MAMLD1: variants seen among roughly 807,000 people sequenced by gnomAD.
MAMLD1 encodes the protein mastermind-like domain-containing protein 1.
A neutral mutation model predicts 45.0 loss-of-function variants in MAMLD1; 14 were observed. The observed-to-expected ratio is 0.31, with a 90% confidence interval of 0.21 to 0.49. The LOEUF is 0.49. MAMLD1 is among the 20% of genes least tolerant of loss of function. The pLI is 0.99. For synonymous variants in MAMLD1, 254 were observed against 247.8 expected, an observed-to-expected ratio of 1.02 and a Z score of -0.24; for missense variants, 543 against 603.6, an observed-to-expected ratio of 0.90 and a Z score of 1.05.
intron 6 of MAMLD1, among the ~76,000 whole-genome samples, chrX:150,508,655 AC>A (rs1300061073): frequency 1.8e-5 from 2 of 112,212 alleles, no homozygotes; most frequent in Admixed American, 1.9e-4. Context: ...CTGGGTCGCT[AC>A]CCCGCCCCAC....
intron 1 of MAMLD1, among the ~76,000 whole-genome samples, chrX:150,427,265 T>C (rs781837911): frequency 8.9e-6 from 1 of 112,363 alleles, no homozygotes; most frequent in Non-Finnish European, 1.9e-5. Context: ...CATATTAATT[T>C]GGAGGACATA....
At chrX:150,488,399 A>C (rs1557407754) in intron 5 of MAMLD1, among the ~76,000 whole-genome samples, 1 of 112,880 alleles carries the variant, frequency 8.9e-6, no homozygotes, top group African/African-American at 3.2e-5. Flanking sequence ...TAACAGCCTG[A>C]GTCTCCTGAC....
rs144919395 is a variant in MAMLD1, at chrX:150,496,240, T to C, written c.2041-7034T>C. Among the ~76,000 whole-genome samples, 826 of 111,725 alleles carry C rather than the reference T, an allele frequency of 7.4e-3. 5 individuals are homozygous for C. Among genetic ancestry groups the C allele is most frequent in the African/African-American group, 0.026 (784 of 30,743 alleles). On this transcript the variant is annotated intron_variant, in intron 5 of 7. Transcript: ENST00000370401. ...AGGCAGGTGGGGGTTGGGGTGAGGGTTATGTTTTGAATATTGCTTCATATT... is the reference window on the plus strand; with the variant it reads ...AGGCAGGTGGGGGTTGGGGTGAGGGCTATGTTTTGAATATTGCTTCATATT...
At chrX:150,401,781 T>A (rs1188342305) in intron 1 of MAMLD1, among the ~76,000 whole-genome samples, 1 of 111,429 alleles carries the variant, frequency 9.0e-6, no homozygotes, top group African/African-American at 3.3e-5. Flanking sequence ...TCTACAACTA[T>A]CTGATCTTTG....
chrX:150,400,095 G>A (rs2033684695), intron 1 of MAMLD1, among the ~76,000 whole-genome samples: 1 of 111,913 alleles, frequency 8.9e-6, no homozygotes, highest in African/African-American at 3.3e-5. Flanking sequence ...CTCTGCTCTA[G>A]GGCTGAAGTA....
chrX:150,489,000 C>A (rs1602992100), intron 5 of MAMLD1, among the ~76,000 whole-genome samples: 1 of 112,749 alleles, frequency 8.9e-6, no homozygotes, highest in South Asian at 3.6e-4. Context: ...CAGGAGTTTC[C>A]CCATGACTTA....
chrX:150,457,119 G>C (rs1196987307), intron 2 of MAMLD1, among the ~76,000 whole-genome samples: 1 of 112,660 alleles, frequency 8.9e-6, no homozygotes, highest in Non-Finnish European at 1.9e-5. Context: ...CCAACTCCCT[G>C]GTCACCGCAT....
chrX:150,389,290 G>A (rs2033071766), intron 1 of MAMLD1, among the ~76,000 whole-genome samples: 1 of 111,354 alleles, frequency 9.0e-6, no homozygotes, highest in South Asian at 3.8e-4. Context: ...CAGGCAATCC[G>A]CCCACCCTGG....
At chrX:150,478,167 A>G (rs2036641217) in intron 5 of MAMLD1, among the ~76,000 whole-genome samples, 1 of 112,092 alleles carries the variant, frequency 8.9e-6, no homozygotes, top group Non-Finnish European at 1.9e-5. Flanking sequence ...TATTTGAACC[A>G]TGACTTTTCA....
At chrX:150,397,220 A>G (rs2033453100) in intron 1 of MAMLD1, among the ~76,000 whole-genome samples, 1 of 111,616 alleles carries the variant, frequency 9.0e-6, no homozygotes, top group African/African-American at 3.3e-5. Context: ...ATTTTTTTCC[A>G]TATGGAATTT....
chrX:150,386,116 T>TG (rs58168935), intron 1 of MAMLD1, among the ~76,000 whole-genome samples: 1 of 110,568 alleles, frequency 9.0e-6, no homozygotes, highest in Non-Finnish European at 1.9e-5. Context: ...TTTTTTTTTT[T>TG]GCCATATCCA....
chrX:150,437,609 A>C (rs1243184668), intron 1 of MAMLD1, among the ~76,000 whole-genome samples: 8 of 112,287 alleles, frequency 7.1e-5, no homozygotes, highest in African/African-American at 2.6e-4. Context: ...CTTTTTCTGC[A>C]TCACATAATA....
At chrX:150,510,397 G>A (rs928247345) in intron 7 of MAMLD1, among the ~76,000 whole-genome samples, 5 of 111,493 alleles carry the variant, frequency 4.5e-5, no homozygotes, top group Admixed American at 1.9e-4. Flanking sequence ...TCTCCCACAC[G>A]CACATTCACA....
At chrX:150,458,925 G>A (rs1251184043) in intron 2 of MAMLD1, among the ~76,000 whole-genome samples, 2 of 111,965 alleles carry the variant, frequency 1.8e-5, no homozygotes, top group African/African-American at 6.5e-5. Context: ...ATAAATTTGG[G>A]CAATCTAATG....
intron 2 of MAMLD1, among the ~76,000 whole-genome samples, chrX:150,455,124 A>G (rs1458396797): frequency 8.9e-6 from 1 of 112,281 alleles, no homozygotes; most frequent in Admixed American, 9.4e-5. Context: ...TTCAATATAG[A>G]ACCTACTCTT....
intron 2 of MAMLD1, among the ~76,000 whole-genome samples, chrX:150,457,074 G>A (rs2035892989): frequency 8.9e-6 from 1 of 112,786 alleles, no homozygotes; most frequent in Non-Finnish European, 1.9e-5. Flanking sequence ...AGTTTTAGAT[G>A]GGAAAGGGCA....
rs372539913 is a variant in MAMLD1 at position 150,477,489 on chromosome X, C to T, written c.2040+3687C>T. ...CAGTCCCTCTGGGGCTGCGTGCTCA[C>T]GGACAGTCCCTTAGGGGCGTTAAGG... On this transcript the variant is annotated intron_variant, in intron 5 of 7. Transcript: ENST00000370401. Among the ~76,000 whole-genome samples, 90 of 111,629 alleles carry T rather than the reference C, an allele frequency of 8.1e-4. 1 individual carries two copies. Among genetic ancestry groups the T allele is most frequent in the Non-Finnish European group, 6.6e-4 (35 of 53,037 alleles).
At chrX:150,473,500 T>C (rs1171861373) in intron 4 of MAMLD1, among the ~76,000 whole-genome samples, 180 bp from the exon 5 acceptor site, 1 of 112,029 alleles carries the variant, frequency 8.9e-6, no homozygotes, top group Admixed American at 9.4e-5. Context: ...AGCATAACCA[T>C]GCAGAGTGCT....
At chrX:150,391,272 C>T (rs140073111) in intron 1 of MAMLD1, among the ~76,000 whole-genome samples, 2,303 of 111,835 alleles carry the variant, frequency 0.021, 65 homozygotes, top group African/African-American at 0.071. Context: ...TCCGCTCTTC[C>T]TCTCTTTCTG....
Sources: gnomAD v4.1 joint callset for allele counts (sites outside exome capture counted in the v4.1 genomes callset) on GRCh38, gnomAD v4.1.1 for gene constraint, MANE v1.5 for transcripts, NCBI Gene and HGNC (gene_info 2026-07-23, HGNC 2026-07-21) for gene names.